UPRT: variants seen among roughly 807,000 people sequenced by gnomAD.
UPRT encodes RP11-311P8.3.
A neutral mutation model predicts 22.6 loss-of-function variants in UPRT; 5 were observed. The ratio of observed to expected loss-of-function variants is 0.22; its 90% CI spans 0.12 to 0.47. The LOEUF is 0.47. Ranked by LOEUF, UPRT falls within the 20% of genes least tolerant of loss-of-function variation. The pLI, the probability that UPRT is intolerant of heterozygous loss-of-function variation, is 0.99. For synonymous variants in UPRT, 77 were observed against 87.7 expected (o/e 0.88, Z 0.68); for missense variants, 181 against 239.9 (o/e 0.75, Z 1.62).
At chrX:75,216,267 A>C (rs763765670) in intron 4 of UPRT, among the ~76,000 whole-genome samples, 43 of 112,497 alleles carry the variant, frequency 3.8e-4, no homozygotes, top group African/African-American at 1.2e-3. Context: ...AAATCACATA[A>C]TCATATTCAA....
chrX:75,190,119 T>A (rs1316491701), intron 4 of UPRT, among the ~76,000 whole-genome samples: 3 of 112,189 alleles, frequency 2.7e-5, no homozygotes, highest in African/African-American at 9.7e-5. Context: ...CTGATACCGG[T>A]TGTTCCTTTC....
upstream of UPRT, among the ~76,000 whole-genome samples, chrX:75,269,685 G>A (rs1399407604): frequency 8.9e-6 from 1 of 111,796 alleles, no homozygotes; most frequent in Non-Finnish European, 1.9e-5. Context: ...ATGGTGTTGG[G>A]AAAACAGGCT....
At chrX:75,266,210 C>G (rs1354696005) in intron 4 of UPRT, among the ~76,000 whole-genome samples, 1 of 111,337 alleles carries the variant, frequency 9.0e-6, no homozygotes, top group Non-Finnish European at 1.9e-5. Context: ...CTACAGTAAC[C>G]AAAACAGCAT....
chrX:75,179,357 G>A (rs1415236411), intron 4 of UPRT, among the ~76,000 whole-genome samples: 1 of 112,613 alleles, frequency 8.9e-6, no homozygotes, highest in Non-Finnish European at 1.9e-5. Flanking sequence ...CAAACCTTGA[G>A]CTAGACACAG....
chrX:75,241,902 G>T, intron 4 of UPRT, among the ~76,000 whole-genome samples: 1 of 110,460 alleles, frequency 9.1e-6, no homozygotes, highest in East Asian at 2.9e-4. Context: ...TGATACAATG[G>T]ACTCTGGGGA....
At chrX:75,202,171 A>G (rs187604772) in intron 4 of UPRT, among the ~76,000 whole-genome samples, 136 of 111,635 alleles carry the variant, frequency 1.2e-3, no homozygotes, top group African/African-American at 4.2e-3. Context: ...ATGTTCATAT[A>G]TATGTTTAAA....
At position 75,304,638 on chromosome X, in the gene UPRT, G is replaced by A. The variant is rs2082756603; in HGVS notation, c.*1127G>A. 2 of 110,902 alleles carry A rather than the reference G, an allele frequency of 1.8e-5. No homozygotes were observed. The highest frequency in any genetic ancestry group is 6.6e-5 in the African/African-American group (2 of 30,440). The allele number at this position is 110,902 out of a possible 1,213,427, so 9.1% of individuals were successfully genotyped here. A position where few individuals can be genotyped will look rare whatever the true frequency, so the allele number is the denominator to read the frequency against. The stretch of plus-strand genomic sequence containing the variant: ...TTACTTGATTAATTATACTCCCATG[G>A]CCCCATAGGAAGCTGTTGTGGGCCT... On this transcript the variant is annotated 3_prime_UTR_variant, in exon 7 of 7. Transcript: ENST00000373383.
intron 1 of UPRT, among the ~76,000 whole-genome samples, chrX:75,278,491 T>C (rs1230932983): frequency 3.6e-5 from 4 of 111,703 alleles, no homozygotes. Context: ...TTTGTTGTTG[T>C]TGCAATGGAT....
chrX:75,159,353 G>A (rs1238381170), intron 1 of UPRT, among the ~76,000 whole-genome samples: 1 of 112,271 alleles, frequency 8.9e-6, no homozygotes. Flanking sequence ...TTGGAAGAAA[G>A]AGAATGTTCC....
intron 4 of UPRT, among the ~76,000 whole-genome samples, chrX:75,251,056 G>A (rs1266960578): frequency 5.4e-5 from 6 of 111,517 alleles, no homozygotes; most frequent in Non-Finnish European, 1.1e-4. Flanking sequence ...TTGATGGGAT[G>A]TATCTCAAAA....
intron 4 of UPRT, among the ~76,000 whole-genome samples, chrX:75,241,779 A>T (rs950175838): frequency 1.8e-5 from 2 of 111,790 alleles, no homozygotes; most frequent in African/African-American, 6.5e-5. Flanking sequence ...AGCAACCTAG[A>T]TGGAGTTGGA....
At chrX:75,231,073 T>C (rs2082437089) in intron 4 of UPRT, among the ~76,000 whole-genome samples, 1 of 111,159 alleles carries the variant, frequency 9.0e-6, no homozygotes, top group African/African-American at 3.3e-5. Flanking sequence ...TCACACTAGC[T>C]CTCCAGCAGT....
chrX:75,220,871 T>C (rs1569268225), intron 4 of UPRT, among the ~76,000 whole-genome samples: 1 of 111,736 alleles, frequency 8.9e-6, no homozygotes, highest in African/African-American at 3.2e-5. Context: ...AAATACAATG[T>C]TATATTATGT....
intron 1 of UPRT, chrX:75,156,731 C>A (rs1457135606): frequency 3.0e-6 from 1 of 332,637 alleles, no homozygotes; most frequent in South Asian, 2.6e-5. Context: ...TCACTCCCTT[C>A]TGAATTAAGG....
intron 4 of UPRT, among the ~76,000 whole-genome samples, chrX:75,193,775 T>A (rs2082324059): frequency 9.0e-6 from 1 of 111,673 alleles, no homozygotes; most frequent in African/African-American, 3.3e-5. Flanking sequence ...ATCATGAAAT[T>A]CTTGTAGTGT....
intron 4 of UPRT, among the ~76,000 whole-genome samples, chrX:75,186,361 G>A (rs1245819188): frequency 8.9e-6 from 1 of 111,853 alleles, no homozygotes. Flanking sequence ...CTGACTTCTA[G>A]TTTGATTGCA....
At chrX:75,297,383 G>T in intron 3 of UPRT, 108 bp from the exon 4 acceptor site, 1 of 712,189 alleles carries the variant, frequency 1.4e-6, no homozygotes, top group South Asian at 2.6e-5. Flanking sequence ...CAGTGTGTCT[G>T]AACAAGGGTT....
intron 4 of UPRT, among the ~76,000 whole-genome samples, chrX:75,231,624 G>C (rs1156790879): frequency 1.8e-5 from 2 of 111,609 alleles, no homozygotes; most frequent in African/African-American, 3.3e-5. Flanking sequence ...ATTGCAAAAA[G>C]ATCATCACCT....
chrX:75,188,780 G>T (rs898399957), intron 4 of UPRT, among the ~76,000 whole-genome samples: 2 of 112,023 alleles, frequency 1.8e-5, no homozygotes, highest in East Asian at 2.8e-4. Flanking sequence ...GGAGTGACCC[G>T]ATCTTCCAGG....
Sources: gnomAD v4.1 joint callset for allele counts (sites outside exome capture counted in the v4.1 genomes callset) on GRCh38, gnomAD v4.1.1 for gene constraint, MANE v1.5 for transcripts, NCBI Gene and HGNC (gene_info 2026-07-23, HGNC 2026-07-21) for gene names.